Variants in DEPTOR observed in about 807,000 individuals in gnomAD.
The protein encoded by DEPTOR is DEP domain containing MTOR interacting protein.
A neutral mutation model predicts 41.6 loss-of-function variants in DEPTOR; 41 were observed. The ratio of observed to expected loss-of-function variants is 0.98; its 90% CI spans 0.77 to 1.28. DEPTOR has a LOEUF of 1.28. DEPTOR is among the 50% of genes most tolerant of loss of function. The probability of loss-of-function intolerance (pLI) is 0.00; values close to 1 mark genes in which losing one functional copy is unlikely to be tolerated. For synonymous variants in DEPTOR, 195 were observed against 192.3 expected, an observed-to-expected ratio of 1.01 and a Z score of -0.12; for missense variants, 514 against 527.9, an observed-to-expected ratio of 0.97 and a Z score of 0.26.
intron 8 of DEPTOR, among the ~76,000 whole-genome samples, chr8:120,044,249 G>C (rs1019351003): frequency 6.6e-6 from 1 of 151,344 alleles, no homozygotes; most frequent in Non-Finnish European, 1.5e-5. Context: ...CCTCAGCCTC[G>C]CAAGTATCTG....
At chr8:119,926,520 T>C (rs1827965901) in intron 1 of DEPTOR, among the ~76,000 whole-genome samples, 1 of 152,346 alleles carries the variant, frequency 6.6e-6, no homozygotes, top group South Asian at 2.1e-4. Flanking sequence ...TTTTTTAAAG[T>C]ATAAGTAGGT....
rs530250855 is a variant in DEPTOR at position 119,932,890 on chromosome 8, G to C, written c.425+2952G>C. ...CATCCCAGGCAAAGGGAACGGTAAGGATAAAGGCTTTGAGATGGGAATGTG... is the reference window on the plus strand; with the variant it reads ...CATCCCAGGCAAAGGGAACGGTAAGCATAAAGGCTTTGAGATGGGAATGTG... On this transcript the variant is annotated intron_variant, in intron 3 of 8. Transcript: ENST00000286234. Among the ~76,000 whole-genome samples the C allele has an allele frequency of 3.3e-5, 5 of 152,280 alleles. No individual in the cohort carries two copies. The South Asian group carries it at 8.3e-4, about 25-fold the overall frequency.
At chr8:119,928,039 G>A (rs1389878920) in intron 1 of DEPTOR, among the ~76,000 whole-genome samples, 1 of 152,152 alleles carries the variant, frequency 6.6e-6, no homozygotes. Context: ...CTTTGTTTCA[G>A]TGCATTTCTA....
intron 8 of DEPTOR, among the ~76,000 whole-genome samples, chr8:120,045,002 C>A (rs1209214761): frequency 6.6e-6 from 1 of 152,224 alleles, no homozygotes; most frequent in African/African-American, 2.4e-5. Flanking sequence ...TATTTAAGTT[C>A]TCCACACACT....
intron 1 of DEPTOR, among the ~76,000 whole-genome samples, chr8:119,917,945 T>C (rs1297745036): frequency 6.6e-6 from 1 of 152,246 alleles, no homozygotes; most frequent in Non-Finnish European, 1.5e-5. Context: ...TGTGTATACA[T>C]ATCTAAAGCA....
intron 3 of DEPTOR, among the ~76,000 whole-genome samples, chr8:119,949,226 G>A (rs11985028): frequency 0.11 from 15,998 of 152,208 alleles, 891 homozygotes; most frequent in South Asian, 0.22. Context: ...TCTGTTTATA[G>A]CCAACTAATT....
intron 7 of DEPTOR, 46 bp from the exon 8 acceptor site, chr8:120,008,983 T>A: frequency 6.3e-7 from 1 of 1,584,672 alleles, no homozygotes. Flanking sequence ...ATAAGCAAAT[T>A]GCCGGAGACA....
At chr8:119,939,265 C>G (rs1401094977) in intron 3 of DEPTOR, among the ~76,000 whole-genome samples, 2 of 152,306 alleles carry the variant, frequency 1.3e-5, no homozygotes, top group African/African-American at 4.8e-5. Flanking sequence ...CGCTCATCTT[C>G]TGTAGCGGCA....
intron 8 of DEPTOR, among the ~76,000 whole-genome samples, chr8:120,026,936 C>T (rs1002709247): frequency 6.6e-6 from 1 of 151,972 alleles, no homozygotes; most frequent in Admixed American, 6.6e-5. Context: ...ATAGTAATGC[C>T]TACCGGGTGT....
In DEPTOR at chr8:119,892,561, G is replaced by A. The variant is rs1827465157; in HGVS notation, c.122+18593G>A. On this transcript the variant is annotated intron_variant, in intron 1 of 8. Transcript: ENST00000286234. ...CATGCAGCAAACCTTTTGTACTCAT[G>A]TACTGACAAGGAACTGTGATATGAA... is the stretch of plus-strand genomic sequence containing the variant. Among the ~76,000 whole-genome samples, 3 of 152,202 alleles carry A rather than the reference G, an allele frequency of 2.0e-5. No individual in the cohort carries two copies. The South Asian group carries it at 6.2e-4, about 32-fold the overall frequency.
chr8:120,009,753 T>C (rs180709171), intron 8 of DEPTOR, among the ~76,000 whole-genome samples: 2 of 152,292 alleles, frequency 1.3e-5, no homozygotes, highest in East Asian at 3.9e-4. Context: ...TTGTCAAATT[T>C]CCTTTTCCCT....
At chr8:119,886,689 A>C (rs536948505) in intron 1 of DEPTOR, among the ~76,000 whole-genome samples, 1 of 152,358 alleles carries the variant, frequency 6.6e-6, no homozygotes, top group South Asian at 2.1e-4. Flanking sequence ...AAAGAAAAAT[A>C]GTGTAACAAA....
At chr8:120,046,701 C>CA (rs1813158376) in intron 8 of DEPTOR, among the ~76,000 whole-genome samples, 1 of 152,118 alleles carries the variant, frequency 6.6e-6, no homozygotes, top group Non-Finnish European at 1.5e-5. Flanking sequence ...CTCAGCCTCC[C>CA]AAAGTGTTAG....
At chr8:119,953,518 G>T (rs1361649342) in intron 3 of DEPTOR, among the ~76,000 whole-genome samples, 2 of 151,686 alleles carry the variant, frequency 1.3e-5, no homozygotes, top group Non-Finnish European at 2.9e-5. Context: ...TTGAATCCAG[G>T]AGGTGGAGGT....
chr8:119,955,459 A>G (rs907854225), intron 3 of DEPTOR, among the ~76,000 whole-genome samples: 12 of 150,564 alleles, frequency 8.0e-5, no homozygotes, highest in African/African-American at 2.9e-4. Context: ...TTTTGACATA[A>G]TTTTTTTCCT....
At chr8:119,916,137 G>A (rs998778987) in intron 1 of DEPTOR, among the ~76,000 whole-genome samples, 2 of 151,940 alleles carry the variant, frequency 1.3e-5, no homozygotes, top group Admixed American at 6.6e-5. Flanking sequence ...AGTGAATAAC[G>A]GGTGGACGCT....
At chr8:120,034,740 G>A (rs1812952293) in intron 8 of DEPTOR, among the ~76,000 whole-genome samples, 1 of 152,060 alleles carries the variant, frequency 6.6e-6, no homozygotes, top group African/African-American at 2.4e-5. Context: ...ATGAGTCACT[G>A]TGCCTGGCTA....
intron 1 of DEPTOR, among the ~76,000 whole-genome samples, chr8:119,918,884 G>A (rs1342643454): frequency 2.6e-5 from 4 of 151,946 alleles, no homozygotes; most frequent in South Asian, 2.1e-4. Context: ...CTGAGCCACC[G>A]CGCCTGGCCA....
chr8:119,883,064 C>T (rs991321776), intron 1 of DEPTOR, among the ~76,000 whole-genome samples: 1 of 152,074 alleles, frequency 6.6e-6, no homozygotes, highest in Non-Finnish European at 1.5e-5. Flanking sequence ...TCAGGATCAA[C>T]TTGAGCTATT....
Sources: allele counts gnomAD v4.1 joint callset (sites outside exome capture counted in the v4.1 genomes callset), GRCh38; gene constraint gnomAD v4.1.1; transcripts MANE v1.5; gene names NCBI Gene and HGNC (gene_info 2026-07-23, HGNC 2026-07-21).